Variants in TRPM3 observed in about 807,000 individuals in gnomAD.
The protein encoded by TRPM3 is transient receptor potential cation channel subfamily M member 3, also known as long transient receptor potential channel 3.
In TRPM3, 77 loss-of-function variants were observed where a neutral mutation model predicts 181.2. That is an observed-to-expected ratio of 0.42 (90% CI 0.35 to 0.51). The LOEUF is 0.51. Ranked by LOEUF, TRPM3 falls within the 20% of genes least tolerant of loss-of-function variation. The pLI is 0.01. For missense variants in TRPM3, 1,759 were observed against 2,196.7 expected, an observed-to-expected ratio of 0.80 and a Z score of 3.98; for synonymous variants, 745 against 796.4, an observed-to-expected ratio of 0.94 and a Z score of 1.09.
chr9:70,768,148 T>C (rs1337754358), intron 7 of TRPM3, among the ~76,000 whole-genome samples: 1 of 152,208 alleles, frequency 6.6e-6, no homozygotes, highest in Non-Finnish European at 1.5e-5. Context: ...TTGCCTTACT[T>C]TGAATTTTCT....
intron 1 of TRPM3, among the ~76,000 whole-genome samples, chr9:71,207,039 C>T (rs2079167127): frequency 6.6e-6 from 1 of 152,012 alleles, no homozygotes; most frequent in Admixed American, 6.6e-5. Flanking sequence ...GAAGGCATAG[C>T]TTCCAGTATA....
intron 1 of TRPM3, among the ~76,000 whole-genome samples, chr9:71,405,720 G>A (rs965483294): frequency 9.2e-5 from 14 of 151,920 alleles, no homozygotes; most frequent in East Asian, 7.7e-4. Context: ...TTCTCCTTTC[G>A]TGCTTATAAA....
intron 1 of TRPM3, among the ~76,000 whole-genome samples, chr9:71,010,912 GACACACACACACACACACATACACACAC>G (rs1364518814): frequency 1.4e-5 from 2 of 139,352 alleles, no homozygotes; most frequent in Non-Finnish European, 3.1e-5. Context: ...TAAAGAAAAT[GACACACACACACACACACATACACACAC>G]ACACACACAC....
At chr9:71,058,342 A>T (rs1200374926) in intron 1 of TRPM3, among the ~76,000 whole-genome samples, 1 of 151,968 alleles carries the variant, frequency 6.6e-6, no homozygotes, top group Non-Finnish European at 1.5e-5. Flanking sequence ...CTTGATATTA[A>T]TATGGGAATT....
intron 1 of TRPM3, among the ~76,000 whole-genome samples, chr9:70,960,854 A>C (rs1464821752): frequency 1.3e-5 from 2 of 152,062 alleles, no homozygotes; most frequent in Non-Finnish European, 2.9e-5. Context: ...TGCTGTGCTC[A>C]TGTCTCTCCC....
At chr9:70,576,369 G>A (rs988569126) in intron 22 of TRPM3, among the ~76,000 whole-genome samples, 2 of 152,138 alleles carry the variant, frequency 1.3e-5, no homozygotes, top group African/African-American at 4.8e-5. Context: ...TGCCAATCCT[G>A]TTCTTAAATC....
intron 7 of TRPM3, among the ~76,000 whole-genome samples, chr9:70,767,564 A>C (rs544078122): frequency 6.6e-6 from 1 of 152,078 alleles, no homozygotes; most frequent in Admixed American, 6.5e-5. Context: ...GGGATGGCTC[A>C]TTTTTCTCCA....
intron 1 of TRPM3, among the ~76,000 whole-genome samples, 184 bp from the exon 2 acceptor site, chr9:70,864,695 G>A (rs754933224): frequency 9.9e-5 from 15 of 151,724 alleles, no homozygotes; most frequent in South Asian, 6.2e-4. Flanking sequence ...ATTACTTCCC[G>A]TACCTGCTGA....
rs769200720 is a variant in TRPM3 at position 70,923,803 on chromosome 9, A to ACTCT, written c.178-59296_178-59293dup. On this transcript the variant is annotated intron_variant, in intron 1 of 25. Transcript: ENST00000677713. The stretch of plus-strand genomic sequence containing the variant: ...ACAAATAACACACACACACACACAC[A>ACTCT]CTCTCTCTCTCTCTCTCTCTCTCTC... Among the ~76,000 whole-genome samples, 12 of 143,488 alleles carry ACTCT rather than the reference A, an allele frequency of 8.4e-5. No individual in the cohort carries two copies. In the South Asian group the frequency reaches 1.8e-3, roughly 21 times the overall value. 94.1% of individuals were successfully genotyped at this position (143,488 alleles called of 152,430 possible). A position where few individuals can be genotyped will look rare whatever the true frequency, so the allele number is the denominator to read the frequency against.
Position 70,852,199 on chromosome 9 carries a change from G to C in TRPM3, c.463-5608C>G, listed in dbSNP as rs12340253. On this transcript the variant is annotated intron_variant, in intron 3 of 25. Coordinates refer to ENST00000677713, the MANE Select transcript of TRPM3 (RefSeq NM_001366145.2). ...AAAAACAAGAACAACAAAATAACCA[G>C]AATACAAGAACCTTGTGTATTTACT... is the stretch of plus-strand genomic sequence containing the variant. 6.4e-3 allele frequency among the ~76,000 whole-genome samples: 838 copies of C among 131,050 alleles called. 9 individuals carry two copies. The highest frequency in any genetic ancestry group is 0.022 in the African/African-American group (777 of 34,676). 86.0% of individuals were successfully genotyped at this position (131,050 alleles called of 152,430 possible).
chr9:70,929,075 C>T (rs2096749138), intron 1 of TRPM3, among the ~76,000 whole-genome samples: 1 of 152,144 alleles, frequency 6.6e-6, no homozygotes, highest in Non-Finnish European at 1.5e-5. Context: ...TTCTATATTA[C>T]CCTGGTTGTT....
At chr9:70,890,077 A>G (rs1362082925) in intron 1 of TRPM3, among the ~76,000 whole-genome samples, 1 of 148,348 alleles carries the variant, frequency 6.7e-6, no homozygotes, top group Admixed American at 6.8e-5. Context: ...ATAGTGTACT[A>G]TATACTATAT....
intron 9 of TRPM3, among the ~76,000 whole-genome samples, chr9:70,664,641 GTTTTTTTTTTTT>G (rs71367210): frequency 4.0e-5 from 4 of 100,220 alleles, no homozygotes; most frequent in Non-Finnish European, 6.1e-5. Flanking sequence ...TAGGAGAGTA[GTTTTTTTTTTTT>G]TTTTTTTTTT....
At chr9:70,803,450 TG>T (rs2089815615) in intron 6 of TRPM3, among the ~76,000 whole-genome samples, 1 of 120,972 alleles carries the variant, frequency 8.3e-6, no homozygotes, top group Non-Finnish European at 1.7e-5. Context: ...CCGTTTTTGT[TG>T]TTTTTTTTTT....
chr9:71,234,670 A>C (rs1424365192), intron 1 of TRPM3, among the ~76,000 whole-genome samples: 1 of 152,084 alleles, frequency 6.6e-6, no homozygotes, highest in Non-Finnish European at 1.5e-5. Context: ...CACCCACCTT[A>C]ATGTCTTCAT....
intron 1 of TRPM3, among the ~76,000 whole-genome samples, chr9:71,155,388 G>A (rs943942563): frequency 6.6e-6 from 1 of 151,950 alleles, no homozygotes; most frequent in Non-Finnish European, 1.5e-5. Flanking sequence ...TATGATCTCA[G>A]CTCTCTGCAA....
At chr9:70,555,391 C>T (rs539405176) in intron 22 of TRPM3, among the ~76,000 whole-genome samples, 2 of 152,332 alleles carry the variant, frequency 1.3e-5, no homozygotes, top group South Asian at 4.1e-4. Flanking sequence ...CTGTATTCCA[C>T]ACAAGATTCC....
chr9:70,783,930 A>G, intron 7 of TRPM3, 175 bp downstream of exon 7: 2 of 1,364,948 alleles, frequency 1.5e-6, no homozygotes, highest in Non-Finnish European at 1.9e-6. Flanking sequence ...GACATTTAGA[A>G]TATGTTTCTC....
At chr9:70,854,266 G>T (rs1325087730) in intron 3 of TRPM3, among the ~76,000 whole-genome samples, 1 of 152,130 alleles carries the variant, frequency 6.6e-6, no homozygotes, top group Non-Finnish European at 1.5e-5. Flanking sequence ...CTCTGATGTG[G>T]TGCTCCCATT....
Sources: allele counts gnomAD v4.1 joint callset (sites outside exome capture counted in the v4.1 genomes callset), GRCh38; gene constraint gnomAD v4.1.1; transcripts MANE v1.5; gene names NCBI Gene and HGNC (gene_info 2026-07-23, HGNC 2026-07-21).